The following PDE11A variants were observed in gnomAD, a reference collection of about 807,000 sequenced individuals.
PDE11A encodes dual 3',5'-cyclic-AMP and -GMP phosphodiesterase 11A.
Under a neutral mutation model 100.5 loss-of-function variants are expected in PDE11A, and 100 were observed. The observed-to-expected ratio is 1.00, with a 90% CI of 0.85 to 1.18. PDE11A has a LOEUF of 1.18. PDE11A is among the 50% of genes most tolerant of loss of function. The pLI is 0.00. For missense variants in PDE11A, 1,141 were observed against 1,152.6 expected, an observed-to-expected ratio of 0.99 and a Z score of 0.15; for synonymous variants, 381 against 420.8, an observed-to-expected ratio of 0.91 and a Z score of 1.16.
chr2:178,056,951 C>G (rs1350673352), intron 1 of PDE11A, among the ~76,000 whole-genome samples: 2 of 151,830 alleles, frequency 1.3e-5, no homozygotes, highest in Non-Finnish European at 2.9e-5. Context: ...AGCCATTACA[C>G]AAAAGGAACG....
At chr2:177,960,918 A>T (rs993726461) in intron 2 of PDE11A, among the ~76,000 whole-genome samples, 20 of 152,176 alleles carry the variant, frequency 1.3e-4, no homozygotes, top group African/African-American at 4.8e-4. Context: ...AAGTTGATGC[A>T]GAACCACCGT....
At chr2:177,658,408 T>G (rs577597988) in intron 19 of PDE11A, among the ~76,000 whole-genome samples, 5 of 152,126 alleles carry the variant, frequency 3.3e-5, no homozygotes, top group African/African-American at 9.6e-5. Flanking sequence ...GAAGTTGTTT[T>G]CCTTCCTTTC....
At chr2:177,932,501 T>A (rs1334211818) in intron 2 of PDE11A, among the ~76,000 whole-genome samples, 2 of 152,170 alleles carry the variant, frequency 1.3e-5, no homozygotes, top group Non-Finnish European at 1.5e-5. Context: ...GATGCAAAAT[T>A]GGTTCAACAT....
chr2:177,894,172 G>A (rs1558995299), intron 4 of PDE11A, among the ~76,000 whole-genome samples: 1 of 152,130 alleles, frequency 6.6e-6, no homozygotes, highest in African/African-American at 2.4e-5. Flanking sequence ...CTTGGGTGGT[G>A]CACAGAACTG....
At chr2:178,049,105 A>G (rs1408083961) in intron 1 of PDE11A, among the ~76,000 whole-genome samples, 1 of 152,222 alleles carries the variant, frequency 6.6e-6, no homozygotes, top group African/African-American at 2.4e-5. Flanking sequence ...TAAATGTTCA[A>G]CATTTGAATA....
At chr2:178,010,529 G>A (rs1360389434) in intron 2 of PDE11A, among the ~76,000 whole-genome samples, 1 of 152,090 alleles carries the variant, frequency 6.6e-6, no homozygotes, top group Non-Finnish European at 1.5e-5. Flanking sequence ...AACTTTTCTT[G>A]CCCTTTGACT....
intron 5 of PDE11A, among the ~76,000 whole-genome samples, chr2:177,851,277 A>G (rs1347233735): frequency 6.6e-6 from 1 of 152,058 alleles, no homozygotes; most frequent in African/African-American, 2.4e-5. Context: ...TCAGCAAACT[A>G]TCTCAAGAAC....
chr2:177,955,323 T>G (rs1214415032), intron 2 of PDE11A, among the ~76,000 whole-genome samples: 1 of 152,206 alleles, frequency 6.6e-6, no homozygotes, highest in Non-Finnish European at 1.5e-5. Context: ...ATGTAGAATT[T>G]CAGTGGGTTC....
chr2:177,945,812 ATCC>A (rs2085412333), intron 2 of PDE11A, among the ~76,000 whole-genome samples: 1 of 132,896 alleles, frequency 7.5e-6, no homozygotes, highest in Non-Finnish European at 1.6e-5. Flanking sequence ...CAGCCGTGCC[ATCC>A]GGGAGGGAGG....
At position 178,023,246 on chromosome 2, in the gene PDE11A, C is replaced by G. The variant is rs2105834922; in HGVS notation, c.913-8786G>C. Among the ~76,000 whole-genome samples, 2 of 152,290 alleles carry G rather than the reference C, an allele frequency of 1.3e-5. 1 individual carries two copies. The highest frequency in any genetic ancestry group is 4.1e-4 in the South Asian group (2 of 4,822). On this transcript the variant is annotated intron_variant, in intron 1 of 19. Coordinates refer to ENST00000286063, the MANE Select transcript of PDE11A (RefSeq NM_016953.4). ...ATCCACAAAGGCTGTAAAAAGCAAC[C>G]TCTGAACTCAGCTTTCATGTCTTTG...
chr2:177,841,319 C>T (rs977035285), intron 5 of PDE11A, among the ~76,000 whole-genome samples: 1 of 152,140 alleles, frequency 6.6e-6, no homozygotes, highest in Non-Finnish European at 1.5e-5. Flanking sequence ...TCTGATTTGT[C>T]GCTTGGCAAG....
intron 5 of PDE11A, among the ~76,000 whole-genome samples, chr2:177,845,334 G>A (rs1243050284): frequency 5.5e-5 from 8 of 146,666 alleles, no homozygotes; most frequent in South Asian, 2.2e-4. Context: ...GGGCAGAGTC[G>A]CTCCTCACCT....
intron 2 of PDE11A, among the ~76,000 whole-genome samples, chr2:178,007,995 C>T (rs1381409142): frequency 1.3e-5 from 2 of 152,090 alleles, no homozygotes; most frequent in Non-Finnish European, 2.9e-5. Flanking sequence ...CATGAGCCAT[C>T]TCACCTGGCC....
chr2:177,806,608 T>C (rs1473876303), intron 9 of PDE11A, among the ~76,000 whole-genome samples: 2 of 152,312 alleles, frequency 1.3e-5, no homozygotes, highest in Non-Finnish European at 2.9e-5. Flanking sequence ...ATGTTTGATA[T>C]GCAATAAATA....
At chr2:178,095,813 A>G (rs977481394) in intron 2 of PDE11A, among the ~76,000 whole-genome samples, 2 of 152,204 alleles carry the variant, frequency 1.3e-5, no homozygotes, top group Admixed American at 6.5e-5. Context: ...ACCACATAGA[A>G]GCTTTCCAGG....
chr2:177,636,242 A>G (rs969664617), intron 19 of PDE11A, among the ~76,000 whole-genome samples: 1 of 152,158 alleles, frequency 6.6e-6, no homozygotes, highest in Non-Finnish European at 1.5e-5. Context: ...GGATACACAA[A>G]TCTAGAATTT....
intron 2 of PDE11A, among the ~76,000 whole-genome samples, chr2:177,907,700 T>C (rs1248158799): frequency 6.6e-6 from 1 of 152,230 alleles, no homozygotes; most frequent in African/African-American, 2.4e-5. Context: ...CTGTCTCCTT[T>C]CAGAGCAAAG....
intron 6 of PDE11A, among the ~76,000 whole-genome samples, chr2:177,833,187 T>C (rs546029617): frequency 6.6e-6 from 1 of 152,244 alleles, no homozygotes; most frequent in South Asian, 2.1e-4. Flanking sequence ...ATCTCCAATG[T>C]GCCTAGGAAA....
intron 9 of PDE11A, among the ~76,000 whole-genome samples, chr2:177,809,533 T>C (rs116102382): frequency 0.013 from 1,952 of 152,272 alleles, 41 homozygotes; most frequent in African/African-American, 0.044. Context: ...AATGTTGGTG[T>C]CTGACACAGA....
Sources: allele counts gnomAD v4.1 joint callset (sites outside exome capture counted in the v4.1 genomes callset), GRCh38; gene constraint gnomAD v4.1.1; transcripts MANE v1.5; gene names NCBI Gene and HGNC (gene_info 2026-07-23, HGNC 2026-07-21).